NTN1: variants seen among roughly 807,000 people sequenced by gnomAD.
The protein encoded by NTN1 is netrin 1.
Under a neutral mutation model 54.2 loss-of-function variants are expected in NTN1, and 11 were observed. The ratio of observed to expected loss-of-function variants is 0.20; its 90% CI spans 0.13 to 0.34. The LOEUF is 0.34. Among genes scored for constraint, NTN1 ranks in the 10% least tolerant of loss-of-function variants. NTN1 has a pLI of 1.00. For missense variants in NTN1, 740 were observed against 893.1 expected (o/e 0.83, Z 2.18); for synonymous variants, 371 against 382.0 (o/e 0.97, Z 0.33).
chr17:9,023,717 T>C (rs1303539346), intron 2 of NTN1, among the ~76,000 whole-genome samples: 1 of 152,248 alleles, frequency 6.6e-6, no homozygotes, highest in East Asian at 1.9e-4. Context: ...TTCCCCCTCG[T>C]TGGGTTGGAC....
At chr17:9,011,214 C>T in the NTN1 span, among the ~76,000 whole-genome samples, 2 of 152,284 alleles carry the variant, frequency 1.3e-5, no homozygotes, top group South Asian at 4.1e-4. Flanking sequence ...TCAAGCTGCT[C>T]ATGTCCTGCT....
At position 9,188,986 on chromosome 17, in the gene NTN1, C is replaced by T. The variant is rs189406467; in HGVS notation, c.1411+6017C>T. Among the ~76,000 whole-genome samples the T allele has an allele frequency of 7.9e-5, 12 of 152,238 alleles. No individual in the cohort carries two copies. The East Asian group carries it at 1.3e-3, about 17-fold the overall frequency. On this transcript the variant is annotated intron_variant, in intron 5 of 6. Coordinates refer to ENST00000173229, the MANE Select transcript of NTN1 (RefSeq NM_004822.3). ...CCAGGTTAGCCATTAGATAAATGAC[C>T]AGTGAAGTCATTAACACACCATCAG...
chr17:9,185,553 G>A (rs2092430714), intron 5 of NTN1, among the ~76,000 whole-genome samples: 1 of 152,012 alleles, frequency 6.6e-6, no homozygotes, highest in South Asian at 2.1e-4. Context: ...CTGGTAAGCC[G>A]TCATGGGGCA....
chr17:9,036,843 A>G lies in NTN1; in HGVS notation c.1018+13452A>G, dbSNP rs1239369067. Among the ~76,000 whole-genome samples, 4 of 152,120 alleles carry G rather than the reference A, an allele frequency of 2.6e-5. No homozygotes were observed. In the East Asian group the frequency reaches 7.7e-4, roughly 29 times the overall value. On this transcript the variant is annotated intron_variant, in intron 2 of 6. Coordinates refer to ENST00000173229, the MANE Select transcript of NTN1 (RefSeq NM_004822.3). ...ATACATTTTCCAACCCTACCCCTCC[A>G]CTGGGGTTCCCTCAAAGGACTGCTC... is the stretch of plus-strand genomic sequence containing the variant.
At chr17:9,024,606 T>G (rs895813645) in intron 2 of NTN1, among the ~76,000 whole-genome samples, 3 of 152,224 alleles carry the variant, frequency 2.0e-5, no homozygotes, top group African/African-American at 4.8e-5. Context: ...TCGAATAGTT[T>G]GTGCCTCATG....
intron 5 of NTN1, among the ~76,000 whole-genome samples, chr17:9,186,277 G>A (rs1326947466): frequency 6.6e-6 from 1 of 152,212 alleles, no homozygotes; most frequent in Non-Finnish European, 1.5e-5. Flanking sequence ...CAGAGCCCTT[G>A]GCAGCTGATT....
At position 9,203,122 on chromosome 17, in the gene NTN1, C is replaced by T. The variant is rs888960805; in HGVS notation, c.1412-18046C>T. On this transcript the variant is annotated intron_variant, in intron 5 of 6. Transcript: ENST00000173229. ...ATTTTTACTAGAGATGGGGTTTCACCATGTTAGCCAGGATGATCTCGATCT... is the reference window on the plus strand; with the variant it reads ...ATTTTTACTAGAGATGGGGTTTCACTATGTTAGCCAGGATGATCTCGATCT... Among the ~76,000 whole-genome samples the T allele has an allele frequency of 9.2e-5, 14 of 151,888 alleles. 1 individual carries two copies. Among genetic ancestry groups the T allele is most frequent in the South Asian group, 2.1e-4 (1 of 4,800 alleles).
intron 2 of NTN1, among the ~76,000 whole-genome samples, chr17:9,093,136 G>A (rs1484492385): frequency 6.6e-6 from 1 of 152,066 alleles, no homozygotes; most frequent in Non-Finnish European, 1.5e-5. Flanking sequence ...CAAGTGATCT[G>A]CCCGTCTCGG....
At chr17:9,210,066 C>T (rs1039228981) in intron 5 of NTN1, among the ~76,000 whole-genome samples, 1 of 152,100 alleles carries the variant, frequency 6.6e-6, no homozygotes, top group Non-Finnish European at 1.5e-5. Flanking sequence ...AGAAGTCAAA[C>T]CCTATCCAGC....
At chr17:9,007,969 C>A in the NTN1 span, among the ~76,000 whole-genome samples, 2 of 152,046 alleles carry the variant, frequency 1.3e-5, no homozygotes, top group Admixed American at 1.3e-4. Context: ...GTCTCAAACT[C>A]CTGGCCTCAA....
intron 2 of NTN1, among the ~76,000 whole-genome samples, chr17:9,036,108 T>C (rs8078751): frequency 0.76 from 114,870 of 152,124 alleles, 43,590 homozygotes; most frequent in East Asian, 0.97. Context: ...GGATCCTTCC[T>C]TCTCAGACTC....
At chr17:9,037,261 A>G (rs2091906367) in intron 2 of NTN1, among the ~76,000 whole-genome samples, 4 of 152,158 alleles carry the variant, frequency 2.6e-5, no homozygotes, top group Admixed American at 2.6e-4. Context: ...ATTTCCTTGT[A>G]AATAGTCTTA....
At chr17:9,095,790 T>TTTTTTC (rs201601631) in intron 2 of NTN1, among the ~76,000 whole-genome samples, 1 of 126,190 alleles carries the variant, frequency 7.9e-6, no homozygotes, top group Non-Finnish European at 1.8e-5. Context: ...TCTTTATAAT[T>TTTTTTC]TTTTTCTTTT....
At chr17:9,009,361 G>T in the NTN1 span, among the ~76,000 whole-genome samples, 5 of 152,182 alleles carry the variant, frequency 3.3e-5, no homozygotes, top group Admixed American at 1.3e-4. Context: ...CTAGGAAGTG[G>T]CTCCCTGGGC....
chr17:9,031,330 G>C (rs187061933), intron 2 of NTN1, among the ~76,000 whole-genome samples: 3 of 152,160 alleles, frequency 2.0e-5, no homozygotes, highest in African/African-American at 7.2e-5. Flanking sequence ...GATTTCGTCT[G>C]TTTCTGCTTT....
At chr17:9,170,146 G>T (rs192958916) in intron 3 of NTN1, among the ~76,000 whole-genome samples, 8 of 152,302 alleles carry the variant, frequency 5.3e-5, no homozygotes, top group Admixed American at 3.3e-4. Context: ...CACAGTTCAG[G>T]CTCCACCTCT....
intron 2 of NTN1, among the ~76,000 whole-genome samples, chr17:9,092,262 CTTTT>C (rs2092113718): frequency 6.6e-6 from 1 of 150,442 alleles, no homozygotes; most frequent in Non-Finnish European, 1.5e-5. Context: ...AATCTCCTTC[CTTTT>C]TAAGACTGAG....
At chr17:9,093,872 G>A (rs1174107564) in intron 2 of NTN1, among the ~76,000 whole-genome samples, 1 of 152,134 alleles carries the variant, frequency 6.6e-6, no homozygotes, top group African/African-American at 2.4e-5. Flanking sequence ...TACTTGGGAG[G>A]CTGAGGCAGG....
chr17:9,091,944 A>G (rs372367171), intron 2 of NTN1, among the ~76,000 whole-genome samples: 1 of 151,890 alleles, frequency 6.6e-6, no homozygotes, highest in East Asian at 2.0e-4. Context: ...GCTACCTCAT[A>G]TCAGTGGAAT....
Sources: gnomAD v4.1 joint callset for allele counts (sites outside exome capture counted in the v4.1 genomes callset) on GRCh38, gnomAD v4.1.1 for gene constraint, MANE v1.5 for transcripts, NCBI Gene and HGNC (gene_info 2026-07-23, HGNC 2026-07-21) for gene names.